The following TRAPPC9 variants were observed in gnomAD, a reference collection of about 807,000 sequenced individuals.
TRAPPC9 encodes the protein IKK2 binding protein.
Under a neutral mutation model 124.0 loss-of-function variants are expected in TRAPPC9, and 83 were observed. That is an observed-to-expected ratio of 0.67 (90% CI 0.56 to 0.80). The LOEUF (loss-of-function observed/expected upper bound fraction) is 0.80. TRAPPC9 is among the 30% of genes least tolerant of loss of function. TRAPPC9 has a pLI of 0.00. For missense variants in TRAPPC9, 1,302 were observed against 1,508.3 expected (o/e 0.86, Z 2.27); for synonymous variants, 638 against 617.5 (o/e 1.03, Z -0.49).
intron 21 of TRAPPC9, among the ~76,000 whole-genome samples, chr8:139,871,405 T>G (rs1376501341): frequency 6.6e-6 from 1 of 152,208 alleles, no homozygotes; most frequent in Non-Finnish European, 1.5e-5. Flanking sequence ...ACATCACCCT[T>G]TCCTCAGCAC....
At chr8:140,023,822 C>A (rs978428011) in intron 18 of TRAPPC9, 115 bp downstream of exon 18, 47 of 1,516,638 alleles carry the variant, frequency 3.1e-5, no homozygotes, top group Non-Finnish European at 4.0e-5. Context: ...AGCAACTTGG[C>A]CCCATGGCAC....
At chr8:139,868,675 AGTAATAACACTACCTACTCT>A (rs1828701869) in intron 21 of TRAPPC9, among the ~76,000 whole-genome samples, 1 of 152,248 alleles carries the variant, frequency 6.6e-6, no homozygotes, top group Non-Finnish European at 1.5e-5. Flanking sequence ...CCTAAAGCGT[AGTAATAACACTACCTACTCT>A]GGAGATTGTT....
At chr8:139,834,427 G>A (rs931311760) in intron 21 of TRAPPC9, among the ~76,000 whole-genome samples, 1 of 152,230 alleles carries the variant, frequency 6.6e-6, no homozygotes, top group Admixed American at 6.5e-5. Context: ...TGTTCACCAC[G>A]TGACATGCAC....
intron 17 of TRAPPC9, among the ~76,000 whole-genome samples, chr8:140,197,187 A>G (rs1238915885): frequency 1.3e-5 from 2 of 152,242 alleles, no homozygotes; most frequent in Non-Finnish European, 2.9e-5. Flanking sequence ...GGAAGAGAAG[A>G]TAGAGAAAAG....
intron 19 of TRAPPC9, among the ~76,000 whole-genome samples, chr8:139,950,135 G>A (rs1287794098): frequency 6.6e-6 from 1 of 152,202 alleles, no homozygotes; most frequent in Non-Finnish European, 1.5e-5. Flanking sequence ...GTGACCGTGG[G>A]GGAAGCGGGG....
At chr8:139,999,714 A>G (rs1003251704) in intron 18 of TRAPPC9, among the ~76,000 whole-genome samples, 2 of 152,216 alleles carry the variant, frequency 1.3e-5, no homozygotes, top group East Asian at 3.8e-4. Context: ...CATACAAAGT[A>G]TCTTCTCTGA....
chr8:140,157,088 TC>T (rs1183913604), intron 17 of TRAPPC9, among the ~76,000 whole-genome samples: 3 of 114,204 alleles, frequency 2.6e-5, no homozygotes, highest in Non-Finnish European at 3.5e-5. Context: ...GCCTCCCTTT[TC>T]CATTCAGAAG....
chr8:140,400,046 C>T (rs544143508), intron 6 of TRAPPC9, among the ~76,000 whole-genome samples: 1 of 152,330 alleles, frequency 6.6e-6, no homozygotes, highest in South Asian at 2.1e-4. Flanking sequence ...TCTCTCTTTG[C>T]CTGCTGCCAT....
At chr8:140,426,917 C>A (rs1372625993) in intron 4 of TRAPPC9, among the ~76,000 whole-genome samples, 3 of 151,610 alleles carry the variant, frequency 2.0e-5, no homozygotes, top group Non-Finnish European at 4.4e-5. Flanking sequence ...GTTCATGCTC[C>A]CAGTTCTTTT....
intron 17 of TRAPPC9, among the ~76,000 whole-genome samples, chr8:140,204,249 T>C (rs1352869907): frequency 3.3e-5 from 5 of 151,696 alleles, no homozygotes; most frequent in Non-Finnish European, 7.4e-5. Flanking sequence ...ATAGACTGGA[T>C]TAAGAAAATG....
At chr8:139,847,698 G>C in intron 21 of TRAPPC9, among the ~76,000 whole-genome samples, 1 of 151,358 alleles carries the variant, frequency 6.6e-6, no homozygotes. Context: ...CGACGGCCCG[G>C]CCTGTGGATG....
intron 21 of TRAPPC9, among the ~76,000 whole-genome samples, chr8:139,784,470 G>C (rs148788476): frequency 6.6e-6 from 1 of 151,652 alleles, no homozygotes; most frequent in African/African-American, 2.4e-5. Flanking sequence ...GCCACTCAGG[G>C]GGCTGAGGCA....
chr8:139,926,982 C>T (rs567018714), intron 19 of TRAPPC9, among the ~76,000 whole-genome samples: 1 of 152,186 alleles, frequency 6.6e-6, no homozygotes, highest in South Asian at 2.1e-4. Context: ...ACTCAAACAA[C>T]CTAATGAAAA....
At chr8:140,436,325 G>A (rs1466819767) in intron 3 of TRAPPC9, among the ~76,000 whole-genome samples, 5 of 152,114 alleles carry the variant, frequency 3.3e-5, no homozygotes, top group Non-Finnish European at 4.4e-5. Context: ...CAGCCTGGGC[G>A]ACAGAGTGAG....
chr8:140,053,611 C>G (rs1038994023), intron 17 of TRAPPC9, among the ~76,000 whole-genome samples: 1 of 152,120 alleles, frequency 6.6e-6, no homozygotes, highest in African/African-American at 2.4e-5. Flanking sequence ...AACTGATTTC[C>G]TTCCTCATTT....
At chr8:140,267,818 C>G (rs2064734782) in intron 15 of TRAPPC9, among the ~76,000 whole-genome samples, 1 of 152,138 alleles carries the variant, frequency 6.6e-6, no homozygotes, top group Non-Finnish European at 1.5e-5. Context: ...AGGTGCCCAC[C>G]ACCAAGCACA....
chr8:140,435,605 C>A (rs1025387277), intron 3 of TRAPPC9, among the ~76,000 whole-genome samples: 1 of 152,198 alleles, frequency 6.6e-6, no homozygotes, highest in East Asian at 1.9e-4. Context: ...TGGCAGACTG[C>A]GCCAGGTTCT....
chr8:140,219,992 G>A (rs533651929), intron 17 of TRAPPC9, among the ~76,000 whole-genome samples: 68 of 152,320 alleles, frequency 4.5e-4, no homozygotes, highest in African/African-American at 1.6e-3. Flanking sequence ...TCAGACACTG[G>A]CTGCCCACAA....
intron 11 of TRAPPC9, among the ~76,000 whole-genome samples, chr8:140,299,308 G>C (rs2065899766): frequency 6.6e-6 from 1 of 152,318 alleles, no homozygotes; most frequent in East Asian, 1.9e-4. Flanking sequence ...TGGGCAGGGG[G>C]GGGTCAGGGA....
Sources: gnomAD v4.1 joint callset for allele counts (sites outside exome capture counted in the v4.1 genomes callset) on GRCh38, gnomAD v4.1.1 for gene constraint, MANE v1.5 for transcripts, NCBI Gene and HGNC (gene_info 2026-07-23, HGNC 2026-07-21) for gene names.